SCN9A: variants seen among roughly 807,000 people sequenced by gnomAD.
SCN9A encodes sodium channel protein type 9 subunit alpha.
SCN9A carries 131 observed loss-of-function variants against 187.0 expected under a neutral mutation model. The observed-to-expected ratio is 0.70, with a 90% confidence interval of 0.61 to 0.81. SCN9A has a LOEUF of 0.81. Ranked by LOEUF, SCN9A falls within the 30% of genes least tolerant of loss-of-function variation. The probability of loss-of-function intolerance (pLI) is 0.00; values close to 1 mark genes in which losing one functional copy is unlikely to be tolerated. For missense variants in SCN9A, 2,252 were observed against 2,396.6 expected (o/e 0.94, Z 1.26); for synonymous variants, 809 against 808.6 (o/e 1.00, Z -0.01).
At position 166,199,228 on chromosome 2, in the gene SCN9A, T is replaced by C. The variant is rs1693357414; in HGVS notation, c.5411A>G (p.Asp1804Gly). 6.2e-7 allele frequency: 1 copy of C among 1,613,976 alleles called. No homozygotes were observed. The highest frequency in any genetic ancestry group is 1.1e-5 in the South Asian group (1 of 91,074). ...TQFIEFSKLS[D>G]FAAALDPPLL... The stretch of plus-strand genomic sequence containing the variant: ...AGGAGGATCCAGGGCAGCTGCAAAA[T>C]CAGAGAGTTTAGAGAACTCTATAAA... Residue 1804 changes from aspartate (D) to glycine (G), a missense_variant, in exon 27 of 27, where the codon GAT becomes GGT. Asp to Gly is a moderately conservative substitution (Grantham distance 94). Transcript: ENST00000642356.
At chr2:166,284,332 T>C (rs1697629192) in intron 12 of SCN9A, 121 bp downstream of exon 12, 7 of 1,155,956 alleles carry the variant, frequency 6.1e-6, no homozygotes, top group Admixed American at 4.2e-5. Context: ...TGTGTTCCTA[T>C]AGAAAAAGTA....
chr2:166,325,932 AC>A (rs1422677418), intron 1 of SCN9A, among the ~76,000 whole-genome samples: 1 of 152,210 alleles, frequency 6.6e-6, no homozygotes, highest in African/African-American at 2.4e-5. Context: ...ATGTTCGATA[AC>A]ATCACCTTCA....
At chr2:166,218,416 AT>A (rs1334704195) in intron 24 of SCN9A, among the ~76,000 whole-genome samples, 1 of 146,600 alleles carries the variant, frequency 6.8e-6, no homozygotes, top group African/African-American at 2.7e-5. Context: ...AAATAAAAAA[AT>A]AAATAAATAA....
intron 18 of SCN9A, 104 bp from the exon 19 acceptor site, chr2:166,242,760 A>G: frequency 2.6e-6 from 2 of 776,252 alleles, no homozygotes; most frequent in Non-Finnish European, 3.9e-6. Flanking sequence ...CCTCAACCAA[A>G]TAATTTCAAC....
chr2:166,282,879 T>C (rs1697556757), intron 12 of SCN9A, among the ~76,000 whole-genome samples: 1 of 152,154 alleles, frequency 6.6e-6, no homozygotes, highest in African/African-American at 2.4e-5. Context: ...CTATAGTCTG[T>C]CAAACAAGAA....
At chr2:166,277,747 ATTG>A (rs1220601229) in intron 15 of SCN9A, 1 of 219,762 alleles carries the variant, frequency 4.6e-6, no homozygotes, top group Admixed American at 5.1e-5. Context: ...TTGTTTTTAT[ATTG>A]TTAAGATCAG....
chr2:166,210,110 T>C (rs1574719003), intron 24 of SCN9A, among the ~76,000 whole-genome samples: 2 of 152,096 alleles, frequency 1.3e-5, no homozygotes, highest in Non-Finnish European at 2.9e-5. Context: ...ATATACACCA[T>C]GGAATACTAT....
chr2:166,308,271 A>T (rs1698821758), intron 2 of SCN9A, among the ~76,000 whole-genome samples: 2 of 152,244 alleles, frequency 1.3e-5, no homozygotes, highest in South Asian at 4.1e-4. Flanking sequence ...CTGCAATTGT[A>T]TTGACATGGT....
intron 1 of SCN9A, among the ~76,000 whole-genome samples, chr2:166,352,267 C>T (rs1700050644): frequency 6.6e-6 from 1 of 152,154 alleles, no homozygotes; most frequent in Non-Finnish European, 1.5e-5. Flanking sequence ...GATGATTCCC[C>T]TTTAAAGACT....
At position 166,212,557 on chromosome 2, in the gene SCN9A, C is replaced by T. The variant is rs558039544; in HGVS notation, c.4399-8093G>A. ...CATAACAGTAGGATACATCAATACCCGACTTGCAATAATGAACAGAACAGC... is the reference window on the plus strand; with the variant it reads ...CATAACAGTAGGATACATCAATACCTGACTTGCAATAATGAACAGAACAGC... On this transcript the variant is annotated intron_variant, in intron 24 of 26. Transcript: ENST00000642356. Among the ~76,000 whole-genome samples the T allele has an allele frequency of 9.9e-5, 15 of 152,250 alleles. 1 individual carries two copies. Among genetic ancestry groups the T allele is most frequent in the Middle Eastern group, 3.4e-3 (1 of 294 alleles).
Position 166,311,330 on chromosome 2 carries a change from C to CCATA in SCN9A, c.258+168_258+169insTATG, listed in dbSNP as rs1491160674. Among the ~76,000 whole-genome samples, 45 of 46,722 alleles carry CCATA rather than the reference C, an allele frequency of 9.6e-4. 3 individuals carry two copies. Among genetic ancestry groups the CCATA allele is most frequent in the Non-Finnish European group, 1.4e-3 (38 of 27,768 alleles). 30.7% of individuals were successfully genotyped at this position (46,722 alleles called of 152,430 possible). On this transcript the variant is annotated intron_variant, in intron 2 of 26. Coordinates refer to ENST00000642356, the MANE Select transcript of SCN9A (RefSeq NM_001365536.1). Reference sequence around the variant, plus strand: ...TGAAAAAGTACAGATTCTGAATATCCTATATATATATATATATATATATAT... The same window carrying CCATA: ...TGAAAAAGTACAGATTCTGAATATCCCATATATATATATATATATATATATATAT...
intron 1 of SCN9A, among the ~76,000 whole-genome samples, chr2:166,324,776 C>T (rs1458678639): frequency 6.6e-6 from 1 of 152,092 alleles, no homozygotes; most frequent in Non-Finnish European, 1.5e-5. Context: ...AAATACCTAA[C>T]CTATACTCAC....
intron 16 of SCN9A, chr2:166,276,700 G>A (rs1391113604): frequency 5.2e-6 from 1 of 192,654 alleles, no homozygotes; most frequent in Non-Finnish European, 1.1e-5. Flanking sequence ...CTTCAAGAGA[G>A]CATATGCCAT....
intron 17 of SCN9A, among the ~76,000 whole-genome samples, chr2:166,270,885 T>G (rs942970193): frequency 2.0e-5 from 3 of 151,956 alleles, no homozygotes; most frequent in African/African-American, 7.2e-5. Context: ...TTGGTAAATA[T>G]CTGTCAAATA....
At chr2:166,201,384 C>T (rs182602910) in intron 26 of SCN9A, among the ~76,000 whole-genome samples, 1 of 146,680 alleles carries the variant, frequency 6.8e-6, no homozygotes, top group Non-Finnish European at 1.5e-5. Flanking sequence ...CTCTATATAG[C>T]ATATAGTATG....
chr2:166,325,519 T>C (rs911902224), intron 1 of SCN9A, among the ~76,000 whole-genome samples: 10 of 152,124 alleles, frequency 6.6e-5, no homozygotes, highest in African/African-American at 2.4e-4. Flanking sequence ...TTGAGAGTCA[T>C]TATGTCTTAT....
chr2:166,331,176 T>C (rs980692487), intron 1 of SCN9A, among the ~76,000 whole-genome samples: 2 of 152,214 alleles, frequency 1.3e-5, no homozygotes, highest in Non-Finnish European at 2.9e-5. Context: ...CTTTAGGACT[T>C]CCCTTCATTT....
chr2:166,200,850 G>T (rs1427227851), intron 26 of SCN9A, among the ~76,000 whole-genome samples: 1 of 152,070 alleles, frequency 6.6e-6, no homozygotes, highest in Non-Finnish European at 1.5e-5. Context: ...GGCCAGGCTG[G>T]TCTCAAACTT....
chr2:166,265,851 T>C (rs1201267866), intron 17 of SCN9A, among the ~76,000 whole-genome samples: 1 of 152,042 alleles, frequency 6.6e-6, no homozygotes, highest in Non-Finnish European at 1.5e-5. Flanking sequence ...TGTTGGCATT[T>C]CTTTGTCTTC....
Sources: allele counts gnomAD v4.1 joint callset (sites outside exome capture counted in the v4.1 genomes callset), GRCh38; gene constraint gnomAD v4.1.1; transcripts MANE v1.5; gene names NCBI Gene and HGNC (gene_info 2026-07-23, HGNC 2026-07-21).